TAFA2: variants seen among roughly 807,000 people sequenced by gnomAD.
The protein encoded by TAFA2 is chemokine-like protein TAFA-2.
Under a neutral mutation model 18.8 loss-of-function variants are expected in TAFA2, and 7 were observed. That is an observed-to-expected ratio of 0.37 (90% CI 0.21 to 0.70). TAFA2 has a LOEUF of 0.70. Ranked by LOEUF, TAFA2 falls within the 30% of genes least tolerant of loss-of-function variation. The pLI is 0.53. For missense variants in TAFA2, 122 were observed against 158.1 expected (o/e 0.77, Z 1.23); for synonymous variants, 60 against 54.2 (o/e 1.11, Z -0.47).
chr12:62,238,124 G>A (rs1465693453), intron 1 of TAFA2, among the ~76,000 whole-genome samples: 1 of 152,198 alleles, frequency 6.6e-6, no homozygotes, highest in East Asian at 1.9e-4. Context: ...GGGAAAATTG[G>A]CTGTCTCCCT....
At chr12:61,934,270 A>G (rs1278282820) in intron 1 of TAFA2, among the ~76,000 whole-genome samples, 1 of 152,216 alleles carries the variant, frequency 6.6e-6, no homozygotes, top group Non-Finnish European at 1.5e-5. Flanking sequence ...GGTAATACTT[A>G]TCAGAGAGAA....
intron 4 of TAFA2, among the ~76,000 whole-genome samples, chr12:61,732,199 A>G (rs1449677937): frequency 1.3e-5 from 2 of 151,888 alleles, no homozygotes; most frequent in Non-Finnish European, 2.9e-5. Context: ...GGAAAAGAGC[A>G]TTTTAGGCAG....
intron 1 of TAFA2, among the ~76,000 whole-genome samples, chr12:61,967,401 T>G (rs1331981667): frequency 6.6e-6 from 1 of 151,852 alleles, no homozygotes; most frequent in Admixed American, 6.6e-5. Context: ...GATATAAATG[T>G]AATGGGTAAG....
At chr12:62,039,534 T>TC (rs1881702470) in intron 1 of TAFA2, among the ~76,000 whole-genome samples, 1 of 152,134 alleles carries the variant, frequency 6.6e-6, no homozygotes, top group African/African-American at 2.4e-5. Flanking sequence ...TTAAGCAATG[T>TC]TGAGAGAGAT....
intron 1 of TAFA2, among the ~76,000 whole-genome samples, chr12:62,170,544 G>T (rs111493776): frequency 6.1e-4 from 93 of 152,270 alleles, no homozygotes; most frequent in African/African-American, 2.2e-3. Context: ...TTATGTGTGT[G>T]TTTATTACTT....
chr12:61,885,262 A>T (rs890131465), intron 1 of TAFA2, among the ~76,000 whole-genome samples: 3 of 152,158 alleles, frequency 2.0e-5, no homozygotes, highest in Admixed American at 6.6e-5. Flanking sequence ...CTACAGCAAT[A>T]CTAGTGGGCA....
At chr12:61,879,316 C>A in intron 1 of TAFA2, 1 of 513,328 alleles carries the variant, frequency 1.9e-6, no homozygotes, top group South Asian at 2.9e-5. Context: ...CCTGCCTCCA[C>A]CATGTCCATC....
intron 2 of TAFA2, among the ~76,000 whole-genome samples, chr12:61,839,067 G>C (rs945423655): frequency 4.6e-5 from 7 of 151,996 alleles, no homozygotes; most frequent in African/African-American, 1.7e-4. Flanking sequence ...CCTCAGACTT[G>C]CTTTCTCAGA....
intron 1 of TAFA2, among the ~76,000 whole-genome samples, chr12:62,213,837 C>G (rs1396994478): frequency 6.6e-6 from 1 of 152,160 alleles, no homozygotes; most frequent in South Asian, 2.1e-4. Flanking sequence ...GAATAAGATA[C>G]CTTTCAAGAT....
intron 1 of TAFA2, among the ~76,000 whole-genome samples, chr12:62,168,647 C>T (rs1031605883): frequency 1.3e-5 from 2 of 152,032 alleles, no homozygotes; most frequent in African/African-American, 4.8e-5. Context: ...CCAGTCTGGG[C>T]AATATGGCAA....
intron 4 of TAFA2, among the ~76,000 whole-genome samples, chr12:61,715,043 T>G (rs1221833958): frequency 6.6e-6 from 1 of 152,214 alleles, no homozygotes; most frequent in East Asian, 1.9e-4. Context: ...TTAAATCAGA[T>G]AATCCAGACA....
intron 1 of TAFA2, among the ~76,000 whole-genome samples, chr12:62,093,892 G>A (rs1433989154): frequency 1.3e-5 from 2 of 151,950 alleles, no homozygotes; most frequent in East Asian, 3.9e-4. Context: ...AAAATAAAAA[G>A]TCAAATTTCC....
chr12:62,193,451 T>C (rs2062636246), upstream of TAFA2, among the ~76,000 whole-genome samples: 1 of 152,164 alleles, frequency 6.6e-6, no homozygotes. Context: ...CATTGACAAA[T>C]TAGGTATCAC....
At chr12:62,257,329 T>C in intron 1 of TAFA2, among the ~76,000 whole-genome samples, 1 of 152,110 alleles carries the variant, frequency 6.6e-6, no homozygotes, top group East Asian at 1.9e-4. Flanking sequence ...TCCATTAAAC[T>C]GTATTACAAA....
At chr12:62,247,496 A>G (rs868257680) in intron 1 of TAFA2, among the ~76,000 whole-genome samples, 1 of 152,186 alleles carries the variant, frequency 6.6e-6, no homozygotes, top group Non-Finnish European at 1.5e-5. Context: ...GAGTTTTCCT[A>G]CTTTACTGTG....
chr12:62,122,920 T>C (rs765165808), intron 1 of TAFA2, among the ~76,000 whole-genome samples: 2 of 152,128 alleles, frequency 1.3e-5, no homozygotes, highest in African/African-American at 2.4e-5. Context: ...TATGTTGCTT[T>C]TCTACCATGG....
At chr12:62,221,681 C>T (rs1352279625) in intron 1 of TAFA2, among the ~76,000 whole-genome samples, 3 of 151,924 alleles carry the variant, frequency 2.0e-5, no homozygotes, top group Admixed American at 1.3e-4. Context: ...GAATCAATTC[C>T]AGGAGGATCA....
Position 61,856,831 on chromosome 12 carries a change from T to A in TAFA2, c.106+10489A>T, listed in dbSNP as rs528739044. Among the ~76,000 whole-genome samples the A allele has an allele frequency of 1.6e-3, 239 of 151,942 alleles. 1 individual carries two copies. The highest frequency in any genetic ancestry group is 4.9e-3 in the African/African-American group (204 of 41,564). ...AACAGTTATATATGTGAATGTTTAT[T>A]ACAGCATTATTTTTACTAAAAATGA... On this transcript the variant is annotated intron_variant, in intron 2 of 4. Coordinates refer to ENST00000416284, the MANE Select transcript of TAFA2 (RefSeq NM_178539.5).
intron 1 of TAFA2, among the ~76,000 whole-genome samples, chr12:62,132,769 T>C (rs960609146): frequency 6.6e-6 from 1 of 151,928 alleles, no homozygotes; most frequent in Non-Finnish European, 1.5e-5. Context: ...TGTGATATGA[T>C]TTTTCAAATG....
Sources: allele counts gnomAD v4.1 joint callset (sites outside exome capture counted in the v4.1 genomes callset), GRCh38; gene constraint gnomAD v4.1.1; transcripts MANE v1.5; gene names NCBI Gene and HGNC (gene_info 2026-07-23, HGNC 2026-07-21).